KHDRBS2: variants seen among roughly 807,000 people sequenced by gnomAD.
KHDRBS2 encodes KH domain-containing, RNA-binding, signal transduction-associated protein 2.
A neutral mutation model predicts 44.3 loss-of-function variants in KHDRBS2; 26 were observed. That is an observed-to-expected ratio of 0.59 (90% CI 0.43 to 0.81). The LOEUF (loss-of-function observed/expected upper bound fraction) is 0.81. Ranked by LOEUF, KHDRBS2 falls within the 40% of genes least tolerant of loss-of-function variation. The pLI is 0.00. For missense variants in KHDRBS2, 476 were observed against 433.1 expected (o/e 1.10, Z -0.88); for synonymous variants, 194 against 151.1 (o/e 1.28, Z -2.08).
At chr6:62,258,491 T>C (rs1248590273) in intron 1 of KHDRBS2, among the ~76,000 whole-genome samples, 1 of 152,052 alleles carries the variant, frequency 6.6e-6, no homozygotes. Context: ...CATGTAAATT[T>C]AGAGTCAGAA....
At chr6:61,955,315 CA>C (rs1481282114) in intron 4 of KHDRBS2, among the ~76,000 whole-genome samples, 1 of 143,070 alleles carries the variant, frequency 7.0e-6, no homozygotes, top group African/African-American at 2.6e-5. Context: ...TATATGTATA[CA>C]TATACGTGTA....
At chr6:62,278,566 TAGTC>T (rs1156930561) in intron 1 of KHDRBS2, among the ~76,000 whole-genome samples, 4 of 152,138 alleles carry the variant, frequency 2.6e-5, no homozygotes, top group Non-Finnish European at 4.4e-5. Flanking sequence ...CAAGGCCTAA[TAGTC>T]AATCAAAAGA....
chr6:62,104,339 T>C (rs1035693560), intron 2 of KHDRBS2, among the ~76,000 whole-genome samples: 1 of 152,162 alleles, frequency 6.6e-6, no homozygotes, highest in Non-Finnish European at 1.5e-5. Context: ...ATGTGCACAT[T>C]GTGCAGGTTA....
chr6:62,081,155 T>C (rs1439223256), intron 2 of KHDRBS2, among the ~76,000 whole-genome samples: 1 of 152,194 alleles, frequency 6.6e-6, no homozygotes, highest in Non-Finnish European at 1.5e-5. Context: ...GATGCATTTT[T>C]AACAATTAAG....
the KHDRBS2 span, among the ~76,000 whole-genome samples, chr6:61,590,607 C>T: frequency 6.6e-6 from 1 of 152,102 alleles, no homozygotes; most frequent in South Asian, 2.1e-4. Flanking sequence ...GACTTCTCTT[C>T]TTTGAAACAT....
At chr6:61,709,857 T>C (rs1211117672) in intron 7 of KHDRBS2, among the ~76,000 whole-genome samples, 1 of 151,718 alleles carries the variant, frequency 6.6e-6, no homozygotes, top group African/African-American at 2.4e-5. Context: ...TCTTTGGCTG[T>C]CACAATTCAT....
At chr6:61,831,266 T>G (rs1272595234) in intron 6 of KHDRBS2, among the ~76,000 whole-genome samples, 1 of 152,048 alleles carries the variant, frequency 6.6e-6, no homozygotes, top group Non-Finnish European at 1.5e-5. Flanking sequence ...CATTATGGAC[T>G]AAAAAACCAC....
At chr6:61,642,126 C>A in the KHDRBS2 span, among the ~76,000 whole-genome samples, 232 of 152,156 alleles carry the variant, frequency 1.5e-3, 4 homozygotes, top group East Asian at 0.039. Flanking sequence ...GAAAATAATC[C>A]CAGTTCCTAT....
At chr6:61,723,543 C>T (rs1773048298) in intron 7 of KHDRBS2, among the ~76,000 whole-genome samples, 1 of 151,546 alleles carries the variant, frequency 6.6e-6, no homozygotes, top group Non-Finnish European at 1.5e-5. Flanking sequence ...AGAAAGACTC[C>T]ATCTCAAAAA....
At chr6:61,757,712 C>T (rs1778700395) in intron 6 of KHDRBS2, among the ~76,000 whole-genome samples, 1 of 151,928 alleles carries the variant, frequency 6.6e-6, no homozygotes, top group Non-Finnish European at 1.5e-5. Context: ...TCAATTTTAT[C>T]TTCTTTATTG....
the KHDRBS2 span, among the ~76,000 whole-genome samples, chr6:61,567,601 A>G: frequency 1.3e-5 from 2 of 152,190 alleles, no homozygotes; most frequent in African/African-American, 4.8e-5. Flanking sequence ...TGTTCGTGCC[A>G]CTGCACACTA....
intron 2 of KHDRBS2, among the ~76,000 whole-genome samples, chr6:62,101,713 A>G (rs1457882664): frequency 1.3e-5 from 2 of 152,256 alleles, no homozygotes; most frequent in Non-Finnish European, 2.9e-5. Context: ...AAAGGAAATT[A>G]GAGAATGGAT....
chr6:62,208,333 G>A (rs1193579903), intron 1 of KHDRBS2, among the ~76,000 whole-genome samples: 4 of 152,092 alleles, frequency 2.6e-5, no homozygotes, highest in Non-Finnish European at 5.9e-5. Flanking sequence ...GGTCTCAAAT[G>A]GTCCTCATGC....
the KHDRBS2 span, among the ~76,000 whole-genome samples, chr6:61,545,922 C>T: frequency 4.7e-4 from 72 of 152,146 alleles, no homozygotes; most frequent in African/African-American, 1.6e-3. Flanking sequence ...AGAGGCCTCA[C>T]CAGAAAGACG....
At chr6:61,897,455 T>C (rs1290003583) in intron 5 of KHDRBS2, among the ~76,000 whole-genome samples, 3 of 152,182 alleles carry the variant, frequency 2.0e-5, no homozygotes, top group Non-Finnish European at 4.4e-5. Flanking sequence ...AATTATATTC[T>C]TCATTTAATT....
At chr6:61,738,685 A>G (rs1775738981) in intron 6 of KHDRBS2, among the ~76,000 whole-genome samples, 1 of 151,964 alleles carries the variant, frequency 6.6e-6, no homozygotes, top group African/African-American at 2.4e-5. Context: ...ATAAACACAT[A>G]TGTTTACAAA....
intron 2 of KHDRBS2, among the ~76,000 whole-genome samples, chr6:62,122,325 T>C (rs1807855023): frequency 6.6e-6 from 1 of 152,152 alleles, no homozygotes; most frequent in Non-Finnish European, 1.5e-5. Context: ...ACCTCTTGGC[T>C]TGTTATCGGG....
chr6:61,784,990 A>T (rs1191152799), intron 6 of KHDRBS2, among the ~76,000 whole-genome samples: 2 of 152,076 alleles, frequency 1.3e-5, no homozygotes, highest in Non-Finnish European at 2.9e-5. Context: ...CTCTACAAAA[A>T]ATACAAAAAT....
the KHDRBS2 span, among the ~76,000 whole-genome samples, chr6:61,631,727 A>G: frequency 6.6e-6 from 1 of 152,160 alleles, no homozygotes; most frequent in Non-Finnish European, 1.5e-5. Flanking sequence ...GACGTAAGTT[A>G]GTTATTTTGT....
Sources: gnomAD v4.1 joint callset for allele counts (sites outside exome capture counted in the v4.1 genomes callset) on GRCh38, gnomAD v4.1.1 for gene constraint, MANE v1.5 for transcripts, NCBI Gene and HGNC (gene_info 2026-07-23, HGNC 2026-07-21) for gene names.